Variants in LAMP3 observed in about 807,000 individuals in gnomAD.
LAMP3 encodes lysosome associated membrane protein 3.
LAMP3 carries 26 observed loss-of-function variants against 34.8 expected under a neutral mutation model. The observed-to-expected ratio is 0.75, with a 90% confidence interval of 0.55 to 1.04. The LOEUF is 1.04. LAMP3 is among the 50% of genes least tolerant of loss of function. LAMP3 has a pLI of 0.00. For missense variants in LAMP3, 495 were observed against 524.0 expected (o/e 0.94, Z 0.54); for synonymous variants, 180 against 201.9 (o/e 0.89, Z 0.92).
At chr3:183,159,613 G>C (rs1417142071) in intron 1 of LAMP3, among the ~76,000 whole-genome samples, 2 of 152,232 alleles carry the variant, frequency 1.3e-5, no homozygotes, top group East Asian at 3.8e-4. Flanking sequence ...GCAGCAGAGA[G>C]AGTCAAGGAA....
chr3:183,153,634 A>C (rs779867917), intron 2 of LAMP3, 48 bp downstream of exon 2: 112 of 1,344,736 alleles, frequency 8.3e-5, no homozygotes, highest in Non-Finnish European at 1.1e-4. Flanking sequence ...GGCAACCTCC[A>C]CTCAGACTTT....
At chr3:183,156,358 T>C (rs973390016) in intron 1 of LAMP3, among the ~76,000 whole-genome samples, 10 of 56,304 alleles carry the variant, frequency 1.8e-4, no homozygotes, top group African/African-American at 5.7e-4. Flanking sequence ...CAAAACGCTG[T>C]CTCAAAAACA....
Position 183,154,028 on chromosome 3 carries a change from A to C in LAMP3, c.413T>G (p.Ile138Ser), listed in dbSNP as rs1397749796. The change falls in exon 2 of 6, where the codon ATC becomes AGC. Residue 138 changes from isoleucine (I) to serine (S), a missense_variant. Transcript: ENST00000265598. ...TCCAGTTGTATGAGCTGGTGGGGTG[A>C]TGGTGGGTGGCAGTGAATAAGGGGC... is the stretch of plus-strand genomic sequence containing the variant. ...SLAPYSLPPT[I>S]TPPAHTTGTS... 1 of 1,613,934 alleles carries C rather than the reference A, an allele frequency of 6.2e-7. No individual in the cohort carries two copies. Among genetic ancestry groups the C allele is most frequent in the Non-Finnish European group, 8.5e-7 (1 of 1,179,980 alleles).
At chr3:183,155,465 C>A (rs1440669080) in intron 1 of LAMP3, among the ~76,000 whole-genome samples, 1 of 152,162 alleles carries the variant, frequency 6.6e-6, no homozygotes, top group East Asian at 1.9e-4. Context: ...GGTGGGTTGT[C>A]CTTTGTGTTC....
chr3:183,157,610 A>G (rs1389486239), intron 1 of LAMP3, among the ~76,000 whole-genome samples: 1 of 152,158 alleles, frequency 6.6e-6, no homozygotes, highest in African/African-American at 2.4e-5. Flanking sequence ...AGGAGACTAG[A>G]AAACACTTGC....
At chr3:183,132,124 G>T (rs546259764) in intron 5 of LAMP3, 6 of 985,126 alleles carry the variant, frequency 6.1e-6, no homozygotes, top group Non-Finnish European at 7.2e-6. Context: ...TAGCTAAGAA[G>T]GCAGACAACA....
intron 1 of LAMP3, among the ~76,000 whole-genome samples, 195 bp from the exon 2 acceptor site, chr3:183,154,586 C>T (rs1383741618): frequency 2.6e-5 from 4 of 152,154 alleles, no homozygotes; most frequent in African/African-American, 9.7e-5. Flanking sequence ...TTGTAATGTT[C>T]TGGTTGTATC....
At position 183,135,904 on chromosome 3, in the gene LAMP3, TA is replaced by T; in HGVS notation, c.947-18del. 1.2e-6 allele frequency: 2 copies of T among 1,604,288 alleles called. No individual in the cohort carries two copies. Among genetic ancestry groups the T allele is most frequent in the South Asian group, 1.1e-5 (1 of 90,882 alleles). On this transcript the variant is annotated intron_variant, in intron 4 of 5. Transcript: ENST00000265598. ...AAATTGTCTCTGAAAAGGTGACAGATAGATGCATAAGAGTCCTGAGATGTAA... is the reference window on the plus strand; with the variant it reads ...AAATTGTCTCTGAAAAGGTGACAGATGATGCATAAGAGTCCTGAGATGTAA...
chr3:183,149,915 G>A (rs560610663), intron 3 of LAMP3, among the ~76,000 whole-genome samples: 49 of 152,062 alleles, frequency 3.2e-4, no homozygotes, highest in Non-Finnish European at 5.9e-4. Context: ...AAGTAAATGC[G>A]TAAGTTCCTG....
chr3:183,124,669 C>T (rs1462798511), intron 5 of LAMP3, among the ~76,000 whole-genome samples: 1 of 152,108 alleles, frequency 6.6e-6, no homozygotes, highest in Non-Finnish European at 1.5e-5. Context: ...CCCATCTCTA[C>T]TAAGAATACA....
At chr3:183,141,979 T>G (rs568410337) in intron 3 of LAMP3, among the ~76,000 whole-genome samples, 4 of 152,282 alleles carry the variant, frequency 2.6e-5, no homozygotes, top group Admixed American at 1.3e-4. Flanking sequence ...TGCCAGGGAT[T>G]GTTCTTGGTC....
chr3:183,160,903 A>G (rs781714432), intron 1 of LAMP3: 10 of 152,224 alleles, frequency 6.6e-5, no homozygotes, highest in Non-Finnish European at 1.0e-4. Flanking sequence ...CCTGGCATGC[A>G]GAGAGTGCCA....
intron 5 of LAMP3, chr3:183,132,021 G>C (rs917523567): frequency 2.0e-6 from 2 of 985,082 alleles, no homozygotes; most frequent in East Asian, 2.3e-4. Context: ...TTGTCTCCCT[G>C]CTCTGTCTCC....
intron 3 of LAMP3, among the ~76,000 whole-genome samples, chr3:183,144,042 T>C (rs1560309758): frequency 6.6e-6 from 1 of 152,194 alleles, no homozygotes; most frequent in African/African-American, 2.4e-5. Context: ...TGTCCACTTC[T>C]GCAAAACACA....
chr3:183,151,866 A>G (rs1480839719), intron 3 of LAMP3, among the ~76,000 whole-genome samples: 2 of 152,078 alleles, frequency 1.3e-5, no homozygotes, highest in East Asian at 3.9e-4. Context: ...AGACTCTCTG[A>G]CCTCGATCTA....
intron 5 of LAMP3, among the ~76,000 whole-genome samples, chr3:183,131,577 C>T (rs551836339): frequency 1.3e-5 from 2 of 152,294 alleles, no homozygotes; most frequent in South Asian, 4.1e-4. Context: ...TCTTCAGGGG[C>T]TCTTAGTGCT....
rs760391481 is a variant in LAMP3 at position 183,135,811 on chromosome 3, A to C, written c.1023T>G (p.Ser341Arg). The C allele has an allele frequency of 2.5e-5, 40 of 1,613,818 alleles. No homozygotes were observed. Among genetic ancestry groups the C allele is most frequent in the Non-Finnish European group, 2.4e-5 (28 of 1,179,864 alleles). ...TAVGHSFKCVSEQSLQLSAHL... is the reference protein window; with the variant it reads ...TAVGHSFKCVREQSLQLSAHL... ...GGGCTGACAACTGGAGGCTCTGTTCACTCACGCACTTGAAGGAATGCCCGA... is the reference window on the plus strand; with the variant it reads ...GGGCTGACAACTGGAGGCTCTGTTCCCTCACGCACTTGAAGGAATGCCCGA... Residue 341 changes from serine to arginine, a missense_variant, in exon 5 of 6, where the codon AGT (serine) becomes AGG (arginine). Coordinates refer to ENST00000265598, the MANE Select transcript of LAMP3 (RefSeq NM_014398.4).
chr3:183,135,374 G>C (rs1191116961), intron 5 of LAMP3, among the ~76,000 whole-genome samples: 1 of 152,210 alleles, frequency 6.6e-6, no homozygotes, highest in Non-Finnish European at 1.5e-5. Flanking sequence ...GATCTTTAAA[G>C]TGTTCTCCAA....
chr3:183,143,003 T>C (rs1385100137), intron 3 of LAMP3, among the ~76,000 whole-genome samples: 2 of 152,220 alleles, frequency 1.3e-5, no homozygotes, highest in Non-Finnish European at 2.9e-5. Flanking sequence ...ACATTCACTC[T>C]GAGTTCATCT....
Sources: allele counts gnomAD v4.1 joint callset (sites outside exome capture counted in the v4.1 genomes callset), GRCh38; gene constraint gnomAD v4.1.1; transcripts MANE v1.5; gene names NCBI Gene and HGNC (gene_info 2026-07-23, HGNC 2026-07-21).